FAM20A: variants seen among roughly 807,000 people sequenced by gnomAD.
FAM20A encodes FAM20A golgi associated secretory pathway pseudokinase, also known as pseudokinase FAM20A.
In FAM20A, 42 loss-of-function variants were observed where a neutral mutation model predicts 52.0. The observed-to-expected ratio is 0.81, with a 90% CI of 0.63 to 1.04. The LOEUF (loss-of-function observed/expected upper bound fraction) is 1.04, where lower values mean the gene tolerates loss of function less well. FAM20A is among the 50% of genes least tolerant of loss of function. The pLI, the probability that FAM20A is intolerant of heterozygous loss-of-function variation, is 0.00. For synonymous variants in FAM20A, 304 were observed against 298.9 expected (o/e 1.02, Z -0.18); for missense variants, 742 against 712.7 (o/e 1.04, Z -0.47).
intron 1 of FAM20A, among the ~76,000 whole-genome samples, chr17:68,578,106 G>A (rs1046536678): frequency 1.3e-5 from 2 of 152,112 alleles, no homozygotes; most frequent in Non-Finnish European, 2.9e-5. Context: ...AAGAAGAAAC[G>A]TGGTGTAAAG....
At chr17:68,592,322 A>G (rs143514121) in intron 1 of FAM20A, among the ~76,000 whole-genome samples, 1 of 152,362 alleles carries the variant, frequency 6.6e-6, no homozygotes, top group African/African-American at 2.4e-5. Context: ...GGAGGCAGAT[A>G]GACATACTTT....
rs761949775 is a variant in FAM20A, at chr17:68,575,791, T to TACACACACACACACACACAC, written c.405-20068_405-20049dup. Among the ~76,000 whole-genome samples, 721 of 104,190 alleles carry TACACACACACACACACACAC rather than the reference T, an allele frequency of 6.9e-3. 21 individuals carry two copies. Among genetic ancestry groups the TACACACACACACACACACAC allele is most frequent in the East Asian group, 0.021 (75 of 3,534 alleles). The allele number at this position is 104,190 out of a possible 152,430, so 68.4% of individuals were successfully genotyped here. A position where few individuals can be genotyped will look rare whatever the true frequency, so the allele number is the denominator to read the frequency against. On this transcript the variant is annotated intron_variant, in intron 1 of 10. Coordinates refer to ENST00000592554, the MANE Select transcript of FAM20A (RefSeq NM_017565.4). ...TTTATATATTGTATATTTTATATTA[T>TACACACACACACACACACAC]ACACACACACACACACACACACACA...
intron 1 of FAM20A, among the ~76,000 whole-genome samples, chr17:68,575,733 TTATATATTTTATATATTA>T (rs1199562582): frequency 1.6e-5 from 2 of 126,694 alleles, no homozygotes; most frequent in African/African-American, 2.9e-5. Flanking sequence ...ATTTTATATA[TTATATATTTTATATATTA>T]TATATATTTT....
intron 3 of FAM20A, among the ~76,000 whole-genome samples, chr17:68,552,664 TC>T (rs2086889295): frequency 4.1e-5 from 5 of 121,972 alleles, no homozygotes; most frequent in African/African-American, 1.6e-4. Context: ...ACCTTTATTT[TC>T]CTTTTTTTTT....
rs2143711346 is a variant in FAM20A, at chr17:68,555,736, T to C, written c.412A>G (p.Lys138Glu). ...RKVARWNRRH[K>E]MYREQMNLTS... ...AGGTTCATCTGCTCTCTGTACATCT[T>C]GTGTCGCCTGAAAGAGCCAGATAGT... Residue 138 changes from lysine (K) to glutamate (E), a missense_variant, in exon 2 of 11, where the codon AAG becomes GAG. Lys to Glu is a moderately conservative substitution (Grantham distance 56). Transcript: ENST00000592554. 1 of 1,614,072 alleles carries C rather than the reference T, an allele frequency of 6.2e-7. No individual in the cohort carries two copies. The highest frequency in any genetic ancestry group is 2.2e-5 in the East Asian group (1 of 44,886).
intron 1 of FAM20A, among the ~76,000 whole-genome samples, chr17:68,558,174 C>A (rs2087107534): frequency 6.6e-6 from 1 of 152,106 alleles, no homozygotes; most frequent in Non-Finnish European, 1.5e-5. Flanking sequence ...GAGAATGCTT[C>A]CCGGCTGAAG....
At chr17:68,541,860 G>T in intron 7 of FAM20A, 125 bp downstream of exon 7, 1 of 1,164,734 alleles carries the variant, frequency 8.6e-7, no homozygotes, top group Non-Finnish European at 1.2e-6. Context: ...GGATCAATAT[G>T]AAATGGGGCA....
chr17:68,540,410 GA>G, intron 8 of FAM20A: 2 of 455,822 alleles, frequency 4.4e-6, no homozygotes, highest in Admixed American at 2.4e-5. Context: ...GCTCCTGTAT[GA>G]CGGCCACCTT....
intron 4 of FAM20A, among the ~76,000 whole-genome samples, chr17:68,549,033 G>A (rs1215294688): frequency 6.6e-6 from 1 of 152,048 alleles, no homozygotes; most frequent in South Asian, 2.1e-4. Context: ...TGCCCAGCCT[G>A]CCTGTATTTG....
At chr17:68,573,234 G>T (rs1433176580) in intron 1 of FAM20A, among the ~76,000 whole-genome samples, 1 of 152,162 alleles carries the variant, frequency 6.6e-6, no homozygotes, top group Admixed American at 6.5e-5. Flanking sequence ...GTGACCTAGG[G>T]CAAGTTATCT....
intron 5 of FAM20A, 34 bp downstream of exon 5, chr17:68,543,595 T>C (rs1258722939): frequency 2.5e-6 from 4 of 1,591,916 alleles, no homozygotes; most frequent in Middle Eastern, 1.7e-4. Context: ...TTGGTCCTTA[T>C]AGGCAATGCC....
In FAM20A at chr17:68,542,768, ATCC is replaced by A; in HGVS notation, c.851_853del (p.Arg284del). 6.2e-7 allele frequency: 1 copy of A among 1,614,108 alleles called. No homozygotes were observed. Among genetic ancestry groups the A allele is most frequent in the Non-Finnish European group, 8.5e-7 (1 of 1,180,012 alleles). On this transcript the variant is annotated inframe_deletion, in exon 6 of 11. Transcript: ENST00000592554. Reference sequence around the variant, plus strand: ...TAGGATTTCCTTGGTGACATTTACTATCCTCCCCACTGTTGGCGGCACCCGTCG... The same window carrying A: ...TAGGATTTCCTTGGTGACATTTACTATCCCCACTGTTGGCGGCACCCGTCG...
intron 4 of FAM20A, among the ~76,000 whole-genome samples, chr17:68,550,369 CTTTTTTTT>C (rs747654899): frequency 8.8e-5 from 7 of 79,390 alleles, no homozygotes; most frequent in South Asian, 5.8e-4. Context: ...AATGGGGGAA[CTTTTTTTT>C]TTTTTTTTTT....
intron 1 of FAM20A, among the ~76,000 whole-genome samples, chr17:68,578,976 C>T (rs12453524): frequency 0.013 from 1,871 of 148,944 alleles, 141 homozygotes; most frequent in Admixed American, 0.11. Context: ...GATCGCGCCA[C>T]TGCACTCCAG....
intron 8 of FAM20A, chr17:68,540,567 G>A: frequency 1.9e-6 from 1 of 539,874 alleles, no homozygotes. Context: ...CTCACTTGGT[G>A]AAGTGAACAT....
chr17:68,557,499 CAAG>C (rs1293434897), intron 1 of FAM20A: 1 of 152,200 alleles, frequency 6.6e-6, no homozygotes, highest in African/African-American at 2.4e-5. Flanking sequence ...CAGGTTATAG[CAAG>C]AAGACAGCAT....
intron 1 of FAM20A, among the ~76,000 whole-genome samples, chr17:68,597,139 C>T (rs1598088589): frequency 6.6e-6 from 1 of 151,644 alleles, no homozygotes; most frequent in Non-Finnish European, 1.5e-5. Flanking sequence ...CATAACCTAC[C>T]TCTTATTGGT....
intron 3 of FAM20A, among the ~76,000 whole-genome samples, chr17:68,553,257 T>G (rs1312473551): frequency 6.6e-6 from 1 of 152,180 alleles, no homozygotes; most frequent in African/African-American, 2.4e-5. Context: ...CTCCCCCTTC[T>G]GCCATGATTG....
chr17:68,553,663 A>C (rs1224059213), intron 3 of FAM20A, among the ~76,000 whole-genome samples: 1 of 152,004 alleles, frequency 6.6e-6, no homozygotes, highest in African/African-American at 2.4e-5. Flanking sequence ...CACCGTCTGA[A>C]CTTGAATCAA....
Sources: gnomAD v4.1 joint callset for allele counts (sites outside exome capture counted in the v4.1 genomes callset) on GRCh38, gnomAD v4.1.1 for gene constraint, MANE v1.5 for transcripts, NCBI Gene and HGNC (gene_info 2026-07-23, HGNC 2026-07-21) for gene names.